SH3PXD2A: variants seen among roughly 807,000 people sequenced by gnomAD.
The protein encoded by SH3PXD2A is SH3 and PX domain-containing protein 2A.
A neutral mutation model predicts 115.2 loss-of-function variants in SH3PXD2A; 32 were observed. The ratio of observed to expected loss-of-function variants is 0.28; its 90% CI spans 0.21 to 0.37. The LOEUF (loss-of-function observed/expected upper bound fraction) is 0.37, where lower values mean the gene tolerates loss of function less well. SH3PXD2A is among the 10% of genes least tolerant of loss of function. The pLI, the probability that SH3PXD2A is intolerant of heterozygous loss-of-function variation, is 1.00. For synonymous variants in SH3PXD2A, 610 were observed against 629.1 expected (o/e 0.97, Z 0.45); for missense variants, 1,328 against 1,498.7 (o/e 0.89, Z 1.88).
chr10:103,794,114 T>C (rs974802573), intron 2 of SH3PXD2A, among the ~76,000 whole-genome samples: 1 of 152,130 alleles, frequency 6.6e-6, no homozygotes, highest in Non-Finnish European at 1.5e-5. Flanking sequence ...GATTCAGGAA[T>C]TATAATTTTT....
intron 1 of SH3PXD2A, among the ~76,000 whole-genome samples, chr10:103,805,968 T>C (rs895336874): frequency 1.3e-5 from 2 of 152,264 alleles, no homozygotes; most frequent in Non-Finnish European, 2.9e-5. Context: ...AGGGAAGAGC[T>C]GACAGAGAGC....
chr10:103,752,754 G>A (rs2038593033), intron 3 of SH3PXD2A, among the ~76,000 whole-genome samples: 1 of 152,166 alleles, frequency 6.6e-6, no homozygotes, highest in African/African-American at 2.4e-5. Context: ...TCAGTACTCT[G>A]TTGAATCGTG....
chr10:103,633,128 T>C (rs2036807500), intron 8 of SH3PXD2A, among the ~76,000 whole-genome samples: 1 of 152,178 alleles, frequency 6.6e-6, no homozygotes, highest in African/African-American at 2.4e-5. Context: ...GATAAAAGTC[T>C]CAGCCCCAGC....
intron 5 of SH3PXD2A, among the ~76,000 whole-genome samples, chr10:103,696,463 G>A (rs2037825082): frequency 6.6e-6 from 1 of 152,084 alleles, no homozygotes; most frequent in Non-Finnish European, 1.5e-5. Context: ...GCCCTCTGCT[G>A]GGGCTCAGTT....
At chr10:103,653,694 C>T (rs761531963) in intron 8 of SH3PXD2A, among the ~76,000 whole-genome samples, 86 of 152,274 alleles carry the variant, frequency 5.6e-4, no homozygotes, top group Middle Eastern at 3.4e-3. Context: ...GCTGGCTCCA[C>T]GCAGGTAGCT....
intron 8 of SH3PXD2A, among the ~76,000 whole-genome samples, chr10:103,635,096 G>T (rs1039786724): frequency 6.6e-6 from 1 of 152,200 alleles, no homozygotes; most frequent in Non-Finnish European, 1.5e-5. Flanking sequence ...TTGAGTGTGT[G>T]TGGGCGTGTG....
At chr10:103,800,377 T>C (rs928514180) in intron 2 of SH3PXD2A, among the ~76,000 whole-genome samples, 1 of 151,926 alleles carries the variant, frequency 6.6e-6, no homozygotes, top group African/African-American at 2.4e-5. Flanking sequence ...GAACTGGGAG[T>C]CAATTTCCCC....
chr10:103,810,385 C>T (rs2039254376), intron 1 of SH3PXD2A, among the ~76,000 whole-genome samples: 1 of 152,228 alleles, frequency 6.6e-6, no homozygotes, highest in East Asian at 1.9e-4. Context: ...GGGACGCACA[C>T]TGACAAATCA....
At chr10:103,750,024 C>T (rs964961756) in intron 3 of SH3PXD2A, 3 of 152,188 alleles carry the variant, frequency 2.0e-5, no homozygotes, top group Non-Finnish European at 4.4e-5. Flanking sequence ...GAATTCCTGG[C>T]CCACAGAGAC....
intron 11 of SH3PXD2A, 118 bp from the exon 12 acceptor site, chr10:103,613,308 G>T: frequency 2.7e-6 from 2 of 748,514 alleles, no homozygotes; most frequent in Non-Finnish European, 4.2e-6. Context: ...GTTCTGCAAG[G>T]CTTGGCAATC....
intron 8 of SH3PXD2A, among the ~76,000 whole-genome samples, chr10:103,649,214 G>A (rs1285462683): frequency 6.6e-6 from 1 of 152,162 alleles, no homozygotes; most frequent in African/African-American, 2.4e-5. Context: ...CAGCACAGTC[G>A]TCAGGGGAAT....
intron 6 of SH3PXD2A, 106 bp downstream of exon 6, chr10:103,692,922 A>C: frequency 2.1e-6 from 2 of 947,476 alleles, no homozygotes; most frequent in Non-Finnish European, 3.3e-6. Context: ...GCGTGCAAGG[A>C]CAACCCCCCC....
chr10:103,602,821 A>C lies in SH3PXD2A; in HGVS notation c.2397T>G (p.Asp799Glu), dbSNP rs2036239149. ...AGGCCGTCTGCGGGGGCAGCTCCGAATCCTCACTCTTGGAGCCCTTGAGCC... is the reference window on the plus strand; with the variant it reads ...AGGCCGTCTGCGGGGGCAGCTCCGACTCCTCACTCTTGGAGCCCTTGAGCC... Reference protein sequence around the residue: ...RGGLKGSKSEDSELPPQTASE... With the variant: ...RGGLKGSKSEESELPPQTASE... The change falls in exon 15 of 15, where the codon GAT (aspartate) becomes GAG (glutamate). Residue 799 changes from aspartate to glutamate, a missense_variant. Physicochemically the swap from Asp to Glu is conservative, Grantham distance 45. Around this residue, in one of 5 missense-constraint regions of SH3PXD2A, gnomAD observed 574 missense variants for 565.7 expected, o/e 1.01. Coordinates refer to ENST00000369774, the MANE Select transcript of SH3PXD2A (RefSeq NM_001394015.1). 1 of 1,613,738 alleles carries C rather than the reference A, an allele frequency of 6.2e-7. No homozygotes were observed. Among genetic ancestry groups the C allele is most frequent in the African/African-American group, 1.3e-5 (1 of 74,816 alleles).
chr10:103,652,942 T>G (rs1232933828), intron 8 of SH3PXD2A, among the ~76,000 whole-genome samples: 1 of 152,162 alleles, frequency 6.6e-6, no homozygotes, highest in Non-Finnish European at 1.5e-5. Flanking sequence ...GTCTCTGCCC[T>G]TGCTCACTCC....
rs2038963060 is a variant in SH3PXD2A at position 103,784,568 on chromosome 10, ATTG to A, written c.153+16711_153+16713del. On this transcript the variant is annotated intron_variant, in intron 2 of 14. Transcript: ENST00000369774. The surrounding 1 kb of genome is among the most constrained non-coding windows in gnomAD (Gnocchi z 4.4). ...TGCCTGTGATATCATTTTCTATAGG[ATTG>A]AAAACATTCCTAATTACAAATAAAC... Among the ~76,000 whole-genome samples the A allele has an allele frequency of 6.6e-6, 1 of 152,186 alleles. No individual in the cohort carries two copies. Among genetic ancestry groups the A allele is most frequent in the Non-Finnish European group, 1.5e-5 (1 of 68,042 alleles).
chr10:103,825,841 G>A (rs1284592135), intron 1 of SH3PXD2A, among the ~76,000 whole-genome samples: 2 of 143,342 alleles, frequency 1.4e-5, no homozygotes, highest in Non-Finnish European at 3.0e-5. Context: ...TCAGCTCACC[G>A]CAAGCTCCAC....
At position 103,846,266 on chromosome 10, in the gene SH3PXD2A, G is replaced by T. The variant is rs569731316; in HGVS notation, c.72+8929C>A. Among the ~76,000 whole-genome samples the T allele has an allele frequency of 2.0e-5, 3 of 152,374 alleles. No individual in the cohort carries two copies. In the East Asian group the frequency reaches 5.8e-4, roughly 29 times the overall value. On this transcript the variant is annotated intron_variant, in intron 1 of 14. Coordinates refer to ENST00000369774, the MANE Select transcript of SH3PXD2A (RefSeq NM_001394015.1). The stretch of plus-strand genomic sequence containing the variant: ...CAGCTGTTTCCCCTTTGCTAACTCA[G>T]CCACTTAGATATCACTTCCTCCGCT...
At chr10:103,800,857 T>G (rs923396817) in intron 2 of SH3PXD2A, among the ~76,000 whole-genome samples, 2 of 152,178 alleles carry the variant, frequency 1.3e-5, no homozygotes, top group Non-Finnish European at 2.9e-5. Context: ...TGCCTGTAGT[T>G]GAAAAAATTG....
intron 2 of SH3PXD2A, among the ~76,000 whole-genome samples, chr10:103,791,019 C>T (rs2039030112): frequency 6.6e-6 from 1 of 152,236 alleles, no homozygotes; most frequent in Admixed American, 6.5e-5. Context: ...CCCTGCTGGA[C>T]AGTCACTGGG....
Sources: allele counts gnomAD v4.1 joint callset (sites outside exome capture counted in the v4.1 genomes callset), GRCh38; gene constraint gnomAD v4.1.1; regional missense constraint gnomAD v4.1.1; non-coding constraint Gnocchi (gnomAD v3.1); transcripts MANE v1.5; gene names NCBI Gene and HGNC (gene_info 2026-07-23, HGNC 2026-07-21).